Variants in DMD observed in about 807,000 individuals in gnomAD.
The protein encoded by DMD is dystrophin.
In DMD, 63 loss-of-function variants were observed where a neutral mutation model predicts 330.1. The ratio of observed to expected loss-of-function variants is 0.19; its 90% confidence interval spans 0.16 to 0.24. The LOEUF (loss-of-function observed/expected upper bound fraction) is 0.24, where lower values mean the gene tolerates loss of function less well. Among genes scored for constraint, DMD ranks in the 10% least tolerant of loss-of-function variants. The probability of loss-of-function intolerance (pLI) is 1.00; values close to 1 mark genes in which losing one functional copy is unlikely to be tolerated. For missense variants in DMD, 3,344 were observed against 2,684.1 expected (o/e 1.25, Z -5.43); for synonymous variants, 1,223 against 959.8 (o/e 1.27, Z -5.07).
At chrX:33,188,943 A>G (rs1398712037) in intron 1 of DMD, among the ~76,000 whole-genome samples, 2 of 111,840 alleles carry the variant, frequency 1.8e-5, no homozygotes, top group Non-Finnish European at 3.8e-5. Flanking sequence ...GAGGCTTCAG[A>G]AGAAATCAGC....
chrX:31,885,634 A>G (rs1293959449), intron 47 of DMD, among the ~76,000 whole-genome samples: 17 of 87,968 alleles, frequency 1.9e-4, no homozygotes, highest in African/African-American at 5.9e-4. Flanking sequence ...AAAAAAAAAA[A>G]AAAGAAAAAA....
intron 55 of DMD, among the ~76,000 whole-genome samples, chrX:31,556,518 C>CA (rs56984431): frequency 0.17 from 10,578 of 62,782 alleles, 519 homozygotes; most frequent in Middle Eastern, 0.29. Context: ...GTGAAAAAAG[C>CA]AAAAAAAAAA....
intron 7 of DMD, among the ~76,000 whole-genome samples, chrX:32,737,774 C>T (rs964097142): frequency 3.2e-4 from 36 of 111,592 alleles, no homozygotes; most frequent in Admixed American, 3.2e-3. Context: ...TCTTCTAATG[C>T]GTTACATCAA....
chrX:31,502,655 C>T (rs1208274327), intron 56 of DMD, among the ~76,000 whole-genome samples: 3 of 111,113 alleles, frequency 2.7e-5, no homozygotes, highest in African/African-American at 9.8e-5. Context: ...AATGTAAATT[C>T]TGCTGAAATT....
chrX:32,766,105 T>C (rs1286450849), intron 7 of DMD, among the ~76,000 whole-genome samples: 3 of 111,596 alleles, frequency 2.7e-5, no homozygotes, highest in Non-Finnish European at 3.8e-5. Context: ...GGTAGCTTTG[T>C]AGTAAGTTTT....
Position 32,067,263 on chromosome X carries a change from A to C in DMD, c.6439-98749T>G, listed in dbSNP as rs775219192. Reference sequence around the variant, plus strand: ...AATAGGATCTCCGACATGACTTGATACAAAGAATACACTTCCAATTCACCC... The same window carrying C: ...AATAGGATCTCCGACATGACTTGATCCAAAGAATACACTTCCAATTCACCC... On this transcript the variant is annotated intron_variant, in intron 44 of 78. Coordinates refer to ENST00000357033, the MANE Select transcript of DMD (RefSeq NM_004006.3). 4.5e-5 allele frequency among the ~76,000 whole-genome samples: 5 copies of C among 111,974 alleles called. No individual in the cohort carries two copies. The East Asian group carries it at 1.4e-3, about 32-fold the overall frequency.
chrX:32,556,735 G>A (rs1210563746), intron 16 of DMD, among the ~76,000 whole-genome samples: 1 of 111,408 alleles, frequency 9.0e-6, no homozygotes, highest in Admixed American at 9.5e-5. Flanking sequence ...ATTTTTGACT[G>A]ATATTCTTAA....
intron 2 of DMD, among the ~76,000 whole-genome samples, chrX:32,890,252 CGAAGCTGTTGAAGAGCCTTGTG>C (rs2085068104): frequency 9.0e-6 from 1 of 111,715 alleles, no homozygotes; most frequent in African/African-American, 3.3e-5. Context: ...TGCCCGGTTA[CGAAGCTGTTGAAGAGCCTTGTG>C]GACTGCTTTA....
chrX:32,062,465 A>G (rs1330737552), intron 44 of DMD, among the ~76,000 whole-genome samples: 1 of 110,897 alleles, frequency 9.0e-6, no homozygotes, highest in African/African-American at 3.3e-5. Context: ...TATATGTTAT[A>G]TATATTAAAA....
At chrX:31,838,090 T>A (rs2093243017) in intron 48 of DMD, among the ~76,000 whole-genome samples, 1 of 111,895 alleles carries the variant, frequency 8.9e-6, no homozygotes, top group Non-Finnish European at 1.9e-5. Flanking sequence ...GCACCCGGAA[T>A]GACTGTATGT....
At chrX:32,958,891 A>G (rs2091742905) in intron 2 of DMD, among the ~76,000 whole-genome samples, 1 of 110,692 alleles carries the variant, frequency 9.0e-6, no homozygotes, top group Non-Finnish European at 1.9e-5. Context: ...GAGAAAAAAC[A>G]CTTCTTAGAT....
At chrX:31,938,832 T>C (rs1329239280) in intron 45 of DMD, among the ~76,000 whole-genome samples, 1 of 112,025 alleles carries the variant, frequency 8.9e-6, no homozygotes, top group Non-Finnish European at 1.9e-5. Flanking sequence ...ATTCTTTCCA[T>C]AGCTTGTTTA....
intron 47 of DMD, among the ~76,000 whole-genome samples, chrX:31,879,624 T>C (rs1163637257): frequency 8.9e-6 from 1 of 112,326 alleles, no homozygotes; most frequent in Non-Finnish European, 1.9e-5. Flanking sequence ...TGAAAAATGC[T>C]CTGAAGAGTT....
At chrX:32,483,820 CAAAAAAA>C (rs770119472) in intron 21 of DMD, among the ~76,000 whole-genome samples, 281 of 37,249 alleles carry the variant, frequency 7.5e-3, no homozygotes, top group African/African-American at 0.03. Context: ...CTCTGAAGTA[CAAAAAAA>C]AAAAAAAAAA....
intron 49 of DMD, among the ~76,000 whole-genome samples, chrX:31,822,653 G>GGGGGGGTGTGTGT (rs58903799): frequency 3.0e-5 from 2 of 65,809 alleles, no homozygotes; most frequent in African/African-American, 6.4e-5. Flanking sequence ...AAGGCAGAGG[G>GGGGGGGTGTGTGT]GTGTGTGTGT....
chrX:32,429,398 T>TTG (rs1557352057), intron 29 of DMD, among the ~76,000 whole-genome samples: 1 of 80,609 alleles, frequency 1.2e-5, no homozygotes, highest in African/African-American at 4.7e-5. Flanking sequence ...TTTTTTTTTT[T>TTG]TTTTTTTTTT....
At chrX:32,775,347 G>T (rs2074031606) in intron 7 of DMD, among the ~76,000 whole-genome samples, 1 of 112,571 alleles carries the variant, frequency 8.9e-6, no homozygotes, top group African/African-American at 3.2e-5. Flanking sequence ...TGTGGTGGGG[G>T]GAAGGGCTCC....
chrX:33,116,418 A>C (rs1240268322), intron 1 of DMD, among the ~76,000 whole-genome samples: 1 of 110,559 alleles, frequency 9.0e-6, no homozygotes. Flanking sequence ...CTGAGGTGGG[A>C]GGATCACTTG....
At chrX:33,180,535 G>T (rs1478891344) in intron 1 of DMD, among the ~76,000 whole-genome samples, 1 of 111,072 alleles carries the variant, frequency 9.0e-6, no homozygotes. Flanking sequence ...TTCACTGTTT[G>T]TCTTGTTGTA....
Sources: allele counts gnomAD v4.1 joint callset (sites outside exome capture counted in the v4.1 genomes callset), GRCh38; gene constraint gnomAD v4.1.1; transcripts MANE v1.5; gene names NCBI Gene and HGNC (gene_info 2026-07-23, HGNC 2026-07-21).